LOC128706665: variants seen among roughly 807,000 people sequenced by gnomAD.
chr20:10,428,301 GC>G, the LOC128706665 span, among the ~76,000 whole-genome samples: 1 of 152,186 alleles, frequency 6.6e-6, no homozygotes, highest in African/African-American at 2.4e-5. Context: ...CATGCAGATA[GC>G]CAGATTGTTC....
At chr20:10,427,883 A>T in the LOC128706665 span, among the ~76,000 whole-genome samples, 1 of 152,174 alleles carries the variant, frequency 6.6e-6, no homozygotes, top group African/African-American at 2.4e-5. Context: ...CCACCAAACC[A>T]TTCAAGGTCA....
the LOC128706665 span, among the ~76,000 whole-genome samples, chr20:10,422,545 GGCTGCACCAAAGGTCA>G: frequency 6.6e-6 from 1 of 152,074 alleles, no homozygotes; most frequent in African/African-American, 2.4e-5. Context: ...GAGGGACAGA[GGCTGCACCAAAGGTCA>G]GCTGGCCTGT....
chr20:10,426,485 C>T, the LOC128706665 span, among the ~76,000 whole-genome samples: 2,852 of 152,062 alleles, frequency 0.019, 52 homozygotes, highest in Non-Finnish European at 0.032. Flanking sequence ...GGCTCACCTC[C>T]GCATGCCAGA....
the LOC128706665 span, among the ~76,000 whole-genome samples, chr20:10,418,821 C>T: frequency 1.3e-5 from 2 of 152,026 alleles, no homozygotes; most frequent in Non-Finnish European, 2.9e-5. Flanking sequence ...ATATAATGGT[C>T]TTACTAGTCT....
chr20:10,433,599 T>A, the LOC128706665 span, among the ~76,000 whole-genome samples: 1 of 152,156 alleles, frequency 6.6e-6, no homozygotes, highest in African/African-American at 2.4e-5. Context: ...TAGAGGGTCA[T>A]CCCTACAAGG....
the LOC128706665 span, among the ~76,000 whole-genome samples, chr20:10,416,393 C>T: frequency 2.4e-4 from 36 of 152,046 alleles, no homozygotes; most frequent in African/African-American, 8.4e-4. Flanking sequence ...TTATTAAAGA[C>T]TACGTGGGTC....
chr20:10,423,870 T>C, the LOC128706665 span, among the ~76,000 whole-genome samples: 19 of 152,250 alleles, frequency 1.2e-4, no homozygotes, highest in African/African-American at 4.6e-4. Context: ...CAGTACAGTA[T>C]TTCCTGGTTA....
chr20:10,431,852 T>C, the LOC128706665 span: 1 of 152,260 alleles, frequency 6.6e-6, no homozygotes, highest in African/African-American at 2.4e-5. Context: ...ATTCTTCTGC[T>C]TCAGCTCTTA....
At chr20:10,415,424 T>A in the LOC128706665 span, among the ~76,000 whole-genome samples, 34 of 152,326 alleles carry the variant, frequency 2.2e-4, no homozygotes, top group African/African-American at 7.5e-4. Flanking sequence ...TTGGTTACCA[T>A]TCCCAATTTA....
At chr20:10,422,407 T>C in the LOC128706665 span, among the ~76,000 whole-genome samples, 15 of 152,272 alleles carry the variant, frequency 9.9e-5, no homozygotes, top group Non-Finnish European at 2.1e-4. Context: ...AATAACTGTA[T>C]CATAATTAAA....
the LOC128706665 span, among the ~76,000 whole-genome samples, chr20:10,428,681 A>G: frequency 3.9e-5 from 6 of 152,288 alleles, no homozygotes; most frequent in African/African-American, 1.2e-4. Context: ...TCTACCAAAA[A>G]TATGAAAAAT....
At chr20:10,413,891 T>C in the LOC128706665 span, 2 of 422,556 alleles carry the variant, frequency 4.7e-6, no homozygotes, top group Non-Finnish European at 8.4e-6. Flanking sequence ...TTTTCATCTC[T>C]TCTTTCGATA....
At chr20:10,416,385 A>G in the LOC128706665 span, among the ~76,000 whole-genome samples, 1 of 152,208 alleles carries the variant, frequency 6.6e-6, no homozygotes, top group African/African-American at 2.4e-5. Flanking sequence ...TAAGGATGTT[A>G]TTAAAGACTA....
chr20:10,427,047 C>T, the LOC128706665 span, among the ~76,000 whole-genome samples: 2 of 137,984 alleles, frequency 1.4e-5, no homozygotes, highest in African/African-American at 2.6e-5. Flanking sequence ...CACACACACA[C>T]ACACACACAC....
At chr20:10,419,879 G>A in the LOC128706665 span, among the ~76,000 whole-genome samples, 2 of 152,124 alleles carry the variant, frequency 1.3e-5, no homozygotes, top group African/African-American at 4.8e-5. Flanking sequence ...AATATTTTCA[G>A]ACTAGGGTTG....
chr20:10,421,943 T>C, the LOC128706665 span, among the ~76,000 whole-genome samples: 8,028 of 152,112 alleles, frequency 0.053, 254 homozygotes, highest in Admixed American at 0.079. Flanking sequence ...TGCTATGAAC[T>C]TGGCTCAATT....
chr20:10,415,395 A>G, the LOC128706665 span, among the ~76,000 whole-genome samples: 1 of 152,152 alleles, frequency 6.6e-6, no homozygotes, highest in African/African-American at 2.4e-5. Flanking sequence ...GAACAAGGGA[A>G]TGTTATGCAA....
At chr20:10,414,282 T>TTTTTTTG in the LOC128706665 span, among the ~76,000 whole-genome samples, 1 of 150,942 alleles carries the variant, frequency 6.6e-6, no homozygotes. Flanking sequence ...TTTTTTTTTT[T>TTTTTTTG]GAGATGGAGT....
the LOC128706665 span, among the ~76,000 whole-genome samples, chr20:10,423,180 T>A: frequency 6.6e-6 from 1 of 152,128 alleles, no homozygotes; most frequent in East Asian, 1.9e-4. Context: ...CTCACAAAAG[T>A]GTAATCCTAA....
Sources: gnomAD v4.1 joint callset for allele counts (sites outside exome capture counted in the v4.1 genomes callset) on GRCh38, gnomAD v4.1.1 for gene constraint, MANE v1.5 for transcripts.